The following DPP10 variants were observed in gnomAD, a reference collection of about 807,000 sequenced individuals.
DPP10 encodes the protein inactive dipeptidyl peptidase 10.
A neutral mutation model predicts 120.9 loss-of-function variants in DPP10; 33 were observed. The ratio of observed to expected loss-of-function variants is 0.27; its 90% CI spans 0.21 to 0.37. The LOEUF is 0.37. Among genes scored for constraint, DPP10 ranks in the 10% least tolerant of loss-of-function variants. The pLI is 1.00. For synonymous variants in DPP10, 337 were observed against 326.1 expected (o/e 1.03, Z -0.36); for missense variants, 816 against 942.8 (o/e 0.87, Z 1.76).
At chr2:115,274,649 T>C (rs552254144) in intron 1 of DPP10, among the ~76,000 whole-genome samples, 4 of 152,220 alleles carry the variant, frequency 2.6e-5, no homozygotes, top group Non-Finnish European at 5.9e-5. Flanking sequence ...CTGTGGAAAA[T>C]AGAAAGAAAA....
At chr2:115,353,869 T>G (rs1312254228) in intron 3 of DPP10, among the ~76,000 whole-genome samples, 3 of 152,200 alleles carry the variant, frequency 2.0e-5, no homozygotes, top group African/African-American at 7.2e-5. Context: ...CAAGTGAATT[T>G]TTTTTATTAT....
rs2085942742 is a variant in DPP10 at position 115,632,341 on chromosome 2, C to T, written c.442-57346C>T. ...TCTTGAATGCAGCACACTGATGGGT[C>T]TTGACTCTATCCAGCTTGCCATTCT... On this transcript the variant is annotated intron_variant, in intron 5 of 25. Transcript: ENST00000410059. 2.0e-5 allele frequency among the ~76,000 whole-genome samples: 3 copies of T among 152,000 alleles called. No homozygotes were observed. In the South Asian group the frequency reaches 6.2e-4, roughly 31 times the overall value.
intron 7 of DPP10, among the ~76,000 whole-genome samples, chr2:115,699,176 G>A (rs55947331): frequency 5.9e-5 from 9 of 151,966 alleles, no homozygotes; most frequent in Non-Finnish European, 1.0e-4. Flanking sequence ...TAACCTAGAC[G>A]AAATGAAGAT....
chr2:115,312,310 A>G (rs71418553), intron 2 of DPP10, among the ~76,000 whole-genome samples: 4,142 of 152,236 alleles, frequency 0.027, 72 homozygotes, highest in South Asian at 0.059. Flanking sequence ...GGCAAGTATA[A>G]CAACTAGTGG....
Position 115,557,240 on chromosome 2 carries a change from A to AT in DPP10, c.441+31275dup, listed in dbSNP as rs200592626. Among the ~76,000 whole-genome samples the AT allele has an allele frequency of 3.3e-3, 505 of 152,064 alleles. 3 individuals carry two copies. The highest frequency in any genetic ancestry group is 0.011 in the African/African-American group (448 of 41,464). ...GAAAGAGTTCCTGCGGTACCACATT[A>AT]TTTTTTTCTTTTTGCAACATGACAC... On this transcript the variant is annotated intron_variant, in intron 5 of 25. Coordinates refer to ENST00000410059, the MANE Select transcript of DPP10 (RefSeq NM_020868.6).
intron 3 of DPP10, among the ~76,000 whole-genome samples, chr2:115,416,241 A>G (rs1446133433): frequency 6.6e-6 from 1 of 152,176 alleles, no homozygotes; most frequent in Non-Finnish European, 1.5e-5. Context: ...GGTAGATTCA[A>G]GGTTGATAAA....
At chr2:115,736,957 A>G (rs1245942061) in intron 8 of DPP10, among the ~76,000 whole-genome samples, 1 of 152,150 alleles carries the variant, frequency 6.6e-6, no homozygotes, top group Non-Finnish European at 1.5e-5. Flanking sequence ...TTGAGTCAGG[A>G]TGTTTCCATG....
Position 115,083,070 on chromosome 2 carries a change from A to G in DPP10, c.61-226169A>G, listed in dbSNP as rs150629955. On this transcript the variant is annotated intron_variant, in intron 1 of 25. Transcript: ENST00000410059. ...AACAATCTATACTCTTTTAGTGTCT[A>G]TGACACTGGATCTTTGTGCTTCTGC... Among the ~76,000 whole-genome samples, 441 of 152,298 alleles carry G rather than the reference A, an allele frequency of 2.9e-3. 2 individuals carry two copies. The highest frequency in any genetic ancestry group is 0.01 in the African/African-American group (424 of 41,572).
chr2:114,477,251 C>A (rs543975090), intron 1 of DPP10, among the ~76,000 whole-genome samples: 1 of 151,926 alleles, frequency 6.6e-6, no homozygotes, highest in Non-Finnish European at 1.5e-5. Context: ...AGCCACTGCA[C>A]CCAGCCAAAA....
intron 1 of DPP10, among the ~76,000 whole-genome samples, chr2:115,153,986 AG>A (rs1443084628): frequency 6.6e-6 from 1 of 152,222 alleles, no homozygotes; most frequent in African/African-American, 2.4e-5. Flanking sequence ...GTCAAAAACT[AG>A]CAAAGCAGAT....
chr2:115,186,062 T>G (rs112105788), intron 1 of DPP10, among the ~76,000 whole-genome samples: 1 of 152,236 alleles, frequency 6.6e-6, no homozygotes, highest in African/African-American at 2.4e-5. Context: ...TTAGTTGAAC[T>G]TTTAAAAAGT....
chr2:115,558,058 A>G (rs1245493551), intron 5 of DPP10, among the ~76,000 whole-genome samples: 1 of 152,204 alleles, frequency 6.6e-6, no homozygotes, highest in African/African-American at 2.4e-5. Flanking sequence ...TATACATTAC[A>G]TGTACATTTG....
At chr2:115,378,554 T>C (rs1351075966) in intron 3 of DPP10, among the ~76,000 whole-genome samples, 1 of 151,184 alleles carries the variant, frequency 6.6e-6, no homozygotes. Flanking sequence ...TTCCTTCTCC[T>C]GCCTAATTGC....
At chr2:115,150,228 C>G (rs945287843) in intron 1 of DPP10, among the ~76,000 whole-genome samples, 1 of 152,184 alleles carries the variant, frequency 6.6e-6, no homozygotes, top group South Asian at 2.1e-4. Flanking sequence ...CTCAGTCATT[C>G]GCCTAGCACA....
rs748891458 is a variant in DPP10, at chr2:114,663,640, GATAT to G, written c.60+220828_60+220831del. 9.5e-3 allele frequency among the ~76,000 whole-genome samples: 1,024 copies of G among 107,844 alleles called. 16 individuals carry two copies. Among genetic ancestry groups the G allele is most frequent in the East Asian group, 0.021 (77 of 3,740 alleles). 70.7% of individuals were successfully genotyped at this position (107,844 alleles called of 152,430 possible). On this transcript the variant is annotated intron_variant, in intron 1 of 25. Coordinates refer to ENST00000410059, the MANE Select transcript of DPP10 (RefSeq NM_020868.6). ...ATATATGTCTATATATACATGTACAGATATATATATATATATATATATATATATA... is the reference window on the plus strand; with the variant it reads ...ATATATGTCTATATATACATGTACAGATATATATATATATATATATATATA...
intron 5 of DPP10, among the ~76,000 whole-genome samples, chr2:115,584,569 C>T (rs1270727684): frequency 6.6e-6 from 1 of 152,174 alleles, no homozygotes; most frequent in Non-Finnish European, 1.5e-5. Context: ...TTTGATGACC[C>T]TTTCTCTAGA....
chr2:114,495,722 A>G (rs983126863), intron 1 of DPP10, among the ~76,000 whole-genome samples: 8 of 152,172 alleles, frequency 5.3e-5, no homozygotes, highest in African/African-American at 1.9e-4. Context: ...CCATAAACTG[A>G]TATCTAGAGA....
At chr2:115,037,479 C>A (rs977220) in intron 1 of DPP10, among the ~76,000 whole-genome samples, 148,684 of 152,226 alleles carry the variant, frequency 0.98, 72,718 homozygotes, top group Middle Eastern at 1. Flanking sequence ...AGTTCCAGGG[C>A]CTCCGGCAGG....
At chr2:114,856,093 A>G (rs953851732) in intron 1 of DPP10, among the ~76,000 whole-genome samples, 1 of 152,216 alleles carries the variant, frequency 6.6e-6, no homozygotes, top group African/African-American at 2.4e-5. Flanking sequence ...AGAGATCTGA[A>G]CACTGGACCA....
Sources: gnomAD v4.1 joint callset for allele counts (sites outside exome capture counted in the v4.1 genomes callset) on GRCh38, gnomAD v4.1.1 for gene constraint, MANE v1.5 for transcripts, NCBI Gene and HGNC (gene_info 2026-07-23, HGNC 2026-07-21) for gene names.